Variants in GRID2 observed in about 807,000 individuals in gnomAD.
GRID2 encodes glutamate receptor ionotropic, delta-2.
Under a neutral mutation model 114.8 loss-of-function variants are expected in GRID2, and 33 were observed. The observed-to-expected ratio is 0.29, with a 90% CI of 0.22 to 0.38. GRID2 has a LOEUF of 0.38. Among genes scored for constraint, GRID2 ranks in the 10% least tolerant of loss-of-function variants. The pLI, the probability that GRID2 is intolerant of heterozygous loss-of-function variation, is 1.00. For synonymous variants in GRID2, 505 were observed against 449.9 expected (o/e 1.12, Z -1.55); for missense variants, 1,184 against 1,257.7 (o/e 0.94, Z 0.89).
At chr4:93,228,184 T>C (rs1745719915) in intron 7 of GRID2, among the ~76,000 whole-genome samples, 1 of 152,158 alleles carries the variant, frequency 6.6e-6, no homozygotes, top group Non-Finnish European at 1.5e-5. Context: ...TCGTAGTTTA[T>C]TAAGAACAGA....
intron 2 of GRID2, among the ~76,000 whole-genome samples, chr4:92,826,296 G>T (rs1477596828): frequency 6.6e-6 from 1 of 151,998 alleles, no homozygotes; most frequent in Non-Finnish European, 1.5e-5. Flanking sequence ...TTCATGGATT[G>T]ATTCCTAAGA....
chr4:92,996,694 C>A (rs2149211382), intron 2 of GRID2, among the ~76,000 whole-genome samples: 1 of 152,250 alleles, frequency 6.6e-6, no homozygotes. Context: ...AATTACCTTT[C>A]TCTGAGATAT....
At chr4:92,985,595 C>T (rs2149194966) in intron 2 of GRID2, among the ~76,000 whole-genome samples, 1 of 152,226 alleles carries the variant, frequency 6.6e-6, no homozygotes, top group East Asian at 1.9e-4. Flanking sequence ...TCTCTCCCCT[C>T]TTCTCTCCTG....
chr4:93,598,134 G>C (rs1002748706), intron 13 of GRID2, among the ~76,000 whole-genome samples: 1 of 152,134 alleles, frequency 6.6e-6, no homozygotes, highest in African/African-American at 2.4e-5. Context: ...ACTTAAGCTC[G>C]TTGAAGTTAA....
intron 1 of GRID2, among the ~76,000 whole-genome samples, chr4:92,401,471 A>C (rs1730785197): frequency 6.6e-6 from 1 of 152,158 alleles, no homozygotes. Context: ...CATACATCAG[A>C]GATATCATGG....
At chr4:93,056,075 A>G (rs147358091) in intron 2 of GRID2, among the ~76,000 whole-genome samples, 4 of 152,094 alleles carry the variant, frequency 2.6e-5, no homozygotes, top group Admixed American at 6.6e-5. Context: ...TTGCAGTGAC[A>G]TCTTTATCTC....
At chr4:93,143,357 C>G (rs921600063) in intron 4 of GRID2, among the ~76,000 whole-genome samples, 1 of 152,136 alleles carries the variant, frequency 6.6e-6, no homozygotes, top group Non-Finnish European at 1.5e-5. Flanking sequence ...GAAAATCAAA[C>G]CATCCTAGTG....
At chr4:93,042,094 G>A (rs916391479) in intron 2 of GRID2, among the ~76,000 whole-genome samples, 1 of 151,820 alleles carries the variant, frequency 6.6e-6, no homozygotes, top group East Asian at 1.9e-4. Flanking sequence ...TAGTAGAGAC[G>A]GGGTTTCACC....
chr4:93,378,338 G>C (rs917387027), intron 8 of GRID2, among the ~76,000 whole-genome samples: 1 of 152,072 alleles, frequency 6.6e-6, no homozygotes, highest in Non-Finnish European at 1.5e-5. Context: ...ACACAGAAAG[G>C]TCTATTATAA....
At chr4:93,044,699 A>G (rs540381659) in intron 2 of GRID2, among the ~76,000 whole-genome samples, 1 of 152,314 alleles carries the variant, frequency 6.6e-6, no homozygotes, top group East Asian at 1.9e-4. Context: ...AAGTTTTTAC[A>G]AGGTGCATAA....
chr4:93,761,237 T>A (rs1293318701), intron 14 of GRID2, among the ~76,000 whole-genome samples: 1 of 152,024 alleles, frequency 6.6e-6, no homozygotes, highest in Non-Finnish European at 1.5e-5. Context: ...GGAATAGGAG[T>A]CACCATCTCT....
chr4:92,849,822 G>A (rs959396486), intron 2 of GRID2, among the ~76,000 whole-genome samples: 43 of 151,644 alleles, frequency 2.8e-4, no homozygotes, highest in African/African-American at 9.9e-4. Context: ...ACAATAATTT[G>A]TACTTATTTT....
At chr4:92,952,798 T>C (rs916075004) in intron 2 of GRID2, among the ~76,000 whole-genome samples, 9 of 152,202 alleles carry the variant, frequency 5.9e-5, no homozygotes, top group African/African-American at 2.2e-4. Context: ...ATTGAATGTA[T>C]TCGTTTCCTA....
At chr4:93,003,068 C>G (rs904728155) in intron 2 of GRID2, among the ~76,000 whole-genome samples, 5 of 151,818 alleles carry the variant, frequency 3.3e-5, no homozygotes, top group Non-Finnish European at 7.4e-5. Context: ...AGACAATCTC[C>G]ACATCCCAAG....
intron 15 of GRID2, among the ~76,000 whole-genome samples, chr4:93,769,696 T>C (rs1733962005): frequency 6.6e-6 from 1 of 152,240 alleles, no homozygotes; most frequent in Non-Finnish European, 1.5e-5. Flanking sequence ...TATACCATAA[T>C]GGGCTTTGAA....
intron 13 of GRID2, among the ~76,000 whole-genome samples, chr4:93,616,042 C>T (rs1741604561): frequency 6.6e-6 from 1 of 152,120 alleles, no homozygotes; most frequent in South Asian, 2.1e-4. Context: ...TCATAGTCAT[C>T]TTGTAGTCAT....
chr4:93,687,580 G>A (rs1317626700), intron 14 of GRID2, among the ~76,000 whole-genome samples: 1 of 152,110 alleles, frequency 6.6e-6, no homozygotes. Flanking sequence ...GGCACTTGAA[G>A]AAAGAAATTC....
intron 2 of GRID2, among the ~76,000 whole-genome samples, chr4:92,892,253 G>A (rs761959749): frequency 6.6e-6 from 1 of 151,728 alleles, no homozygotes; most frequent in African/African-American, 2.4e-5. Flanking sequence ...TAGTAGAGAT[G>A]GAGTTTCACC....
intron 8 of GRID2, among the ~76,000 whole-genome samples, chr4:93,374,275 C>CGGGGGT (rs1763183668): frequency 6.6e-6 from 1 of 152,138 alleles, no homozygotes; most frequent in South Asian, 2.1e-4. Flanking sequence ...TTAAACACTT[C>CGGGGGT]ACAATTTCAA....
Sources: allele counts gnomAD v4.1 joint callset (sites outside exome capture counted in the v4.1 genomes callset), GRCh38; gene constraint gnomAD v4.1.1; transcripts MANE v1.5; gene names NCBI Gene and HGNC (gene_info 2026-07-23, HGNC 2026-07-21).